Variants in ACAD11 observed in about 807,000 individuals in gnomAD.
ACAD11 encodes the protein acyl-CoA dehydrogenase family member 11, also known as acyl-Coenzyme A dehydrogenase family, member 11.
Under a neutral mutation model 102.2 loss-of-function variants are expected in ACAD11, and 83 were observed. That is an observed-to-expected ratio of 0.81 (90% CI 0.68 to 0.97). ACAD11 has a LOEUF of 0.97. ACAD11 is among the 50% of genes least tolerant of loss of function. The probability of loss-of-function intolerance (pLI) is 0.00; values close to 1 mark genes in which losing one functional copy is unlikely to be tolerated. For synonymous variants in ACAD11, 324 were observed against 319.8 expected (o/e 1.01, Z -0.14); for missense variants, 901 against 951.7 (o/e 0.95, Z 0.70).
Position 132,641,989 on chromosome 3 carries a change from C to A in ACAD11, c.520G>T (p.Gly174Trp). 1 of 1,612,434 alleles carries A rather than the reference C, an allele frequency of 6.2e-7. No homozygotes were observed. The highest frequency in any genetic ancestry group is 8.5e-7 in the Non-Finnish European group (1 of 1,178,994). Residue 174 changes from glycine (G) to tryptophan (W), a missense_variant, in exon 4 of 20, where the codon GGG becomes TGG. By Grantham distance (184) the Gly-to-Trp change is radical. Transcript: ENST00000264990. Reference protein sequence around the residue: ...LQLEGYGIGAGYCKRQVSTWT... With the variant: ...LQLEGYGIGAWYCKRQVSTWT... ...TGCATTACCTGTCTTTTGCAGTACC[C>A]AGCACCTATACCATATCCTTCCAGC... is the stretch of plus-strand genomic sequence containing the variant.
chr3:132,655,615 G>A (rs1169885631), intron 1 of ACAD11, among the ~76,000 whole-genome samples: 1 of 152,134 alleles, frequency 6.6e-6, no homozygotes, highest in Non-Finnish European at 1.5e-5. Flanking sequence ...CCGTGTGCTC[G>A]AGGAAATCTT....
At chr3:132,602,559 TA>T (rs1001298017) in intron 13 of ACAD11, among the ~76,000 whole-genome samples, 1 of 152,182 alleles carries the variant, frequency 6.6e-6, no homozygotes, top group African/African-American at 2.4e-5. Context: ...TTATCTTTTT[TA>T]AAAAAATTTG....
intron 11 of ACAD11, among the ~76,000 whole-genome samples, chr3:132,613,263 G>T (rs745610403): frequency 6.6e-6 from 1 of 151,566 alleles, no homozygotes; most frequent in South Asian, 2.1e-4. Flanking sequence ...CATTAGGAGA[G>T]ATACCTAATG....
intron 13 of ACAD11, among the ~76,000 whole-genome samples, chr3:132,585,808 T>G (rs1226772868): frequency 3.3e-5 from 5 of 152,162 alleles, no homozygotes; most frequent in African/African-American, 1.2e-4. Context: ...CTCACACCAG[T>G]TAGAATGGCA....
At chr3:132,564,961 G>C (rs1456257249) in intron 17 of ACAD11, among the ~76,000 whole-genome samples, 1 of 152,064 alleles carries the variant, frequency 6.6e-6, no homozygotes, top group African/African-American at 2.4e-5. Context: ...GAAGAATCTA[G>C]TAACCTGGAA....
At chr3:132,633,208 G>C (rs1331506127) in intron 5 of ACAD11, among the ~76,000 whole-genome samples, 2 of 152,146 alleles carry the variant, frequency 1.3e-5, no homozygotes, top group African/African-American at 4.8e-5. Flanking sequence ...TTGGCTGTGG[G>C]TTTGTCATAG....
intron 17 of ACAD11, among the ~76,000 whole-genome samples, chr3:132,573,234 T>C (rs1035823618): frequency 2.6e-5 from 4 of 152,168 alleles, no homozygotes; most frequent in Non-Finnish European, 5.9e-5. Context: ...GATATTTGAT[T>C]AGAGTTTCCC....
chr3:132,567,350 A>C (rs1559931345), intron 17 of ACAD11, among the ~76,000 whole-genome samples: 1 of 152,196 alleles, frequency 6.6e-6, no homozygotes, highest in Non-Finnish European at 1.5e-5. Context: ...ACTTGACTCA[A>C]ACTGGTAAAA....
At chr3:132,609,520 A>G (rs1939017423) in intron 11 of ACAD11, among the ~76,000 whole-genome samples, 1 of 152,228 alleles carries the variant, frequency 6.6e-6, no homozygotes, top group Non-Finnish European at 1.5e-5. Flanking sequence ...CAAATAAACT[A>G]GAAAATCTAG....
chr3:132,577,749 C>A (rs1046605795), intron 15 of ACAD11, among the ~76,000 whole-genome samples: 1 of 152,142 alleles, frequency 6.6e-6, no homozygotes, highest in Non-Finnish European at 1.5e-5. Flanking sequence ...TTTCTTTTGG[C>A]CCTGGACACA....
chr3:132,645,780 T>C (rs1167588332), intron 1 of ACAD11: 1 of 152,226 alleles, frequency 6.6e-6, no homozygotes, highest in Non-Finnish European at 1.5e-5. Flanking sequence ...CTATGTCTTC[T>C]ATAAATCAGA....
At chr3:132,629,601 T>C (rs1281456527) in intron 7 of ACAD11, among the ~76,000 whole-genome samples, 1 of 152,234 alleles carries the variant, frequency 6.6e-6, no homozygotes, top group Admixed American at 6.5e-5. Flanking sequence ...GAGAAACCCA[T>C]TCTTTTAACA....
chr3:132,618,569 A>C, intron 11 of ACAD11, 65 bp downstream of exon 11: 1 of 1,347,940 alleles, frequency 7.4e-7, no homozygotes, highest in Non-Finnish European at 9.8e-7. Context: ...TTCTTATCAT[A>C]TATAGAAATT....
At position 132,598,750 on chromosome 3, in the gene ACAD11, A is replaced by G. The variant is rs549652790; in HGVS notation, c.1621+4479T>C. ...GTGGGTGCCAGCCCACTGCTGAGAA[A>G]TTAGTCCTATCACTGTCTCTAGTGT... On this transcript the variant is annotated intron_variant, in intron 13 of 19. Transcript: ENST00000264990. Among the ~76,000 whole-genome samples the G allele has an allele frequency of 4.7e-4, 72 of 152,334 alleles. 1 individual carries two copies. The highest frequency in any genetic ancestry group is 1.2e-3 in the South Asian group (6 of 4,818).
At chr3:132,607,372 C>A (rs143322494) in intron 11 of ACAD11, among the ~76,000 whole-genome samples, 1 of 152,096 alleles carries the variant, frequency 6.6e-6, no homozygotes, top group Non-Finnish European at 1.5e-5. Context: ...ACCTAAGAAC[C>A]TTGACAAAAG....
intron 11 of ACAD11, among the ~76,000 whole-genome samples, chr3:132,615,038 A>G (rs1939348403): frequency 6.6e-6 from 1 of 152,368 alleles, no homozygotes; most frequent in Admixed American, 6.5e-5. Context: ...ACTTCTCGAA[A>G]GAAGACATTT....
At chr3:132,579,633 C>T (rs1419929501) in intron 13 of ACAD11, 75 bp from the exon 14 acceptor site, 1 of 1,169,128 alleles carries the variant, frequency 8.6e-7, no homozygotes, top group Non-Finnish European at 1.3e-6. Context: ...AGGTTCTAAT[C>T]CTTCCCACTT....
chr3:132,592,067 T>C (rs1938105376), intron 13 of ACAD11, among the ~76,000 whole-genome samples: 1 of 152,144 alleles, frequency 6.6e-6, no homozygotes. Flanking sequence ...AATTTTTAAG[T>C]TGGATGTCTG....
In ACAD11 at chr3:132,561,166, G is replaced by A. The variant is rs578141275; in HGVS notation, c.2053C>T (p.Arg685Cys). Residue 685 changes from arginine (R) to cysteine (C), a missense_variant, in exon 18 of 20, where the codon CGC becomes TGC. By Grantham distance (180) the Arg-to-Cys change is radical. Coordinates refer to ENST00000264990, the MANE Select transcript of ACAD11 (RefSeq NM_032169.5). ...TGAGCAGCTTTCAGAGTCAACAAGC[G>A]GATCTTCTCAATGGCAATGCGGCTT... ...AESRIAIEKI[R>C]LLTLKAAHSM... The A allele has an allele frequency of 1.6e-5, 26 of 1,613,518 alleles. No individual in the cohort carries two copies. The highest frequency in any genetic ancestry group is 1.1e-4 in the East Asian group (5 of 44,858).
Sources: gnomAD v4.1 joint callset for allele counts (sites outside exome capture counted in the v4.1 genomes callset) on GRCh38, gnomAD v4.1.1 for gene constraint, MANE v1.5 for transcripts, NCBI Gene and HGNC (gene_info 2026-07-23, HGNC 2026-07-21) for gene names.